Variants in CYLD observed in about 807,000 individuals in gnomAD.
The protein encoded by CYLD is CYLD lysine 63 deubiquitinase.
In CYLD, 26 loss-of-function variants were observed where a neutral mutation model predicts 104.5. The observed-to-expected ratio is 0.25, with a 90% CI of 0.18 to 0.35. CYLD has a LOEUF of 0.35. CYLD is among the 10% of genes least tolerant of loss of function. The probability of loss-of-function intolerance (pLI) is 1.00; values close to 1 mark genes in which losing one functional copy is unlikely to be tolerated. For synonymous variants in CYLD, 385 were observed against 399.9 expected (o/e 0.96, Z 0.45); for missense variants, 703 against 1,136.1 (o/e 0.62, Z 5.48).
At chr16:50,742,717 C>A (rs1032476151) in intron 1 of CYLD, 45 bp from the exon 2 acceptor site, 4 of 398,786 alleles carry the variant, frequency 1.0e-5, no homozygotes, top group Admixed American at 4.4e-5. Flanking sequence ...GAATGGCAGT[C>A]GGGGTTCTGG....
intron 14 of CYLD, 55 bp downstream of exon 14, chr16:50,787,907 C>A: frequency 2.0e-6 from 2 of 1,007,168 alleles, no homozygotes; most frequent in African/African-American, 1.6e-5. Context: ...CTCATTTCTA[C>A]TGCCATTATT....
intron 4 of CYLD, 55 bp downstream of exon 4, chr16:50,751,961 T>C: frequency 3.5e-6 from 2 of 567,142 alleles, no homozygotes; most frequent in Non-Finnish European, 5.1e-6. Context: ...TTTATATATA[T>C]ATGTATATAT....
At chr16:50,784,223 T>C (rs2151006190) in intron 11 of CYLD, 106 bp from the exon 12 acceptor site, 2 of 1,256,574 alleles carry the variant, frequency 1.6e-6, no homozygotes, top group East Asian at 2.4e-5. Context: ...TGTTATGTTA[T>C]TTGTTCTCCA....
intron 6 of CYLD, among the ~76,000 whole-genome samples, 176 bp downstream of exon 6, chr16:50,775,350 A>T (rs1190524147): frequency 6.6e-6 from 1 of 152,190 alleles, no homozygotes; most frequent in Non-Finnish European, 1.5e-5. Context: ...AGTTTGCCAC[A>T]CTTATTACAC....
At chr16:50,766,660 G>T (rs1026316579) in intron 5 of CYLD, among the ~76,000 whole-genome samples, 3 of 152,158 alleles carry the variant, frequency 2.0e-5, no homozygotes, top group Non-Finnish European at 4.4e-5. Flanking sequence ...ATGGGAGGAG[G>T]TCAAAATATC....
chr16:50,797,722 A>G lies in CYLD; in HGVS notation c.*1214A>G, dbSNP rs1346493264. On this transcript the variant is annotated 3_prime_UTR_variant, in exon 19 of 19. Transcript: ENST00000427738. ...TTCCTGAATGACTTTCTAACTGTGC[A>G]GAAAGGCAGAAAAGTCATCATATGT... 2.6e-5 allele frequency: 6 copies of G among 232,898 alleles called. No individual in the cohort carries two copies. In the East Asian group the frequency reaches 3.6e-4, roughly 14 times the overall value. The allele number at this position is 232,898 out of a possible 1,614,324, so 14.4% of individuals were successfully genotyped here.
At chr16:50,763,546 T>A (rs923333889) in intron 5 of CYLD, among the ~76,000 whole-genome samples, 1 of 152,208 alleles carries the variant, frequency 6.6e-6, no homozygotes, top group Non-Finnish European at 1.5e-5. Context: ...ATTATCTGAC[T>A]TTTTTATTCT....
At chr16:50,786,984 A>C in intron 13 of CYLD, 38 bp downstream of exon 13, 1 of 1,487,936 alleles carries the variant, frequency 6.7e-7, no homozygotes, top group African/African-American at 1.4e-5. Context: ...AAATAACTGA[A>C]GAGCATATTC....
At position 50,783,389 on chromosome 16, in the gene CYLD, G is replaced by A. The variant is rs1970468703; in HGVS notation, c.1826+923G>A. On this transcript the variant is annotated intron_variant, in intron 11 of 18. Coordinates refer to ENST00000427738, the MANE Select transcript of CYLD (RefSeq NM_001378743.1). ...ATGGGATGTTAACATTTTTAAAGTA[G>A]GAAGAAGAATAAAGTGGCGGCCATT... Among the ~76,000 whole-genome samples, 8 of 152,220 alleles carry A rather than the reference G, an allele frequency of 5.3e-5. No homozygotes were observed. The South Asian group carries it at 1.7e-3, about 32-fold the overall frequency.
At chr16:50,750,693 A>G (rs934989338) in intron 3 of CYLD, among the ~76,000 whole-genome samples, 1 of 152,210 alleles carries the variant, frequency 6.6e-6, no homozygotes, top group African/African-American at 2.4e-5. Context: ...GCAGACATAT[A>G]TATTTTAGAA....
chr16:50,755,467 T>C (rs1967115341), intron 5 of CYLD, among the ~76,000 whole-genome samples: 1 of 152,166 alleles, frequency 6.6e-6, no homozygotes, highest in Non-Finnish European at 1.5e-5. Flanking sequence ...TTTTCCACAG[T>C]GGTTGTACTA....
chr16:50,785,413 A>G (rs968385737), intron 12 of CYLD: 2 of 152,154 alleles, frequency 1.3e-5, no homozygotes, highest in African/African-American at 4.8e-5. Flanking sequence ...TTCCTCACTT[A>G]TATCTTTTGC....
At chr16:50,771,602 C>G (rs751589729) in intron 5 of CYLD, among the ~76,000 whole-genome samples, 34 of 152,148 alleles carry the variant, frequency 2.2e-4, no homozygotes, top group Non-Finnish European at 4.0e-4. Flanking sequence ...GAAGGAGCTG[C>G]ACCATTTACT....
At chr16:50,748,266 T>A (rs899918645) in intron 2 of CYLD, among the ~76,000 whole-genome samples, 1 of 152,220 alleles carries the variant, frequency 6.6e-6, no homozygotes, top group Non-Finnish European at 1.5e-5. Flanking sequence ...AGCAGAAAAT[T>A]AATTAAAATA....
intron 14 of CYLD, among the ~76,000 whole-genome samples, chr16:50,789,144 T>C (rs1971165030): frequency 6.6e-6 from 1 of 152,202 alleles, no homozygotes; most frequent in African/African-American, 2.4e-5. Flanking sequence ...GATACTAGCA[T>C]ATGATTAGAA....
At chr16:50,770,505 T>C (rs376437707) in intron 5 of CYLD, among the ~76,000 whole-genome samples, 1 of 150,916 alleles carries the variant, frequency 6.6e-6, no homozygotes, top group Non-Finnish European at 1.5e-5. Flanking sequence ...GGCTGGAGTA[T>C]AGTGGCGTGA....
At chr16:50,779,272 TTCTC>T (rs1029138264) in intron 8 of CYLD, among the ~76,000 whole-genome samples, 30 of 152,322 alleles carry the variant, frequency 2.0e-4, no homozygotes, top group African/African-American at 7.2e-4. Flanking sequence ...TTGTTACTTT[TTCTC>T]TCTTTTTTCT....
intron 5 of CYLD, among the ~76,000 whole-genome samples, chr16:50,761,883 A>G (rs1967982149): frequency 6.6e-6 from 1 of 152,202 alleles, no homozygotes; most frequent in Non-Finnish European, 1.5e-5. Context: ...TCTTAGTATC[A>G]TTTATTAAAA....
intron 13 of CYLD, chr16:50,787,178 T>G (rs1970925705): frequency 5.9e-6 from 3 of 511,450 alleles, no homozygotes; most frequent in African/African-American, 1.9e-5. Context: ...TCTAGTATAT[T>G]AAATGCTTAA....
Sources: allele counts gnomAD v4.1 joint callset (sites outside exome capture counted in the v4.1 genomes callset), GRCh38; gene constraint gnomAD v4.1.1; transcripts MANE v1.5; gene names NCBI Gene and HGNC (gene_info 2026-07-23, HGNC 2026-07-21).